DGKB: variants seen among roughly 807,000 people sequenced by gnomAD.
The protein encoded by DGKB is diacylglycerol kinase beta.
A neutral mutation model predicts 114.3 loss-of-function variants in DGKB; 67 were observed. The ratio of observed to expected loss-of-function variants is 0.59; its 90% CI spans 0.48 to 0.72. DGKB has a LOEUF of 0.72. DGKB is among the 30% of genes least tolerant of loss of function. The pLI is 0.00. For synonymous variants in DGKB, 398 were observed against 323.1 expected (o/e 1.23, Z -2.49); for missense variants, 907 against 975.2 (o/e 0.93, Z 0.93).
chr7:14,791,382 C>A (rs959550917), intron 2 of DGKB, among the ~76,000 whole-genome samples: 2 of 151,916 alleles, frequency 1.3e-5, no homozygotes, highest in Non-Finnish European at 2.9e-5. Flanking sequence ...AGTTTTATTT[C>A]TTTATTTCTG....
chr7:14,925,922 G>A (rs1248866627), intron 1 of DGKB, among the ~76,000 whole-genome samples: 1 of 151,840 alleles, frequency 6.6e-6, no homozygotes, highest in Admixed American at 6.6e-5. Flanking sequence ...TTATCACAGT[G>A]GGTAGAAAAG....
chr7:14,744,510 A>G (rs1423558955), intron 4 of DGKB, among the ~76,000 whole-genome samples: 1 of 152,166 alleles, frequency 6.6e-6, no homozygotes, highest in African/African-American at 2.4e-5. Context: ...TATTCTAGGA[A>G]CCTCAAGAAG....
At chr7:14,909,117 T>C (rs986945365) in intron 1 of DGKB, among the ~76,000 whole-genome samples, 9 of 152,224 alleles carry the variant, frequency 5.9e-5, no homozygotes, top group African/African-American at 2.2e-4. Flanking sequence ...ACTCTTATGC[T>C]TTTAGCGATG....
intron 23 of DGKB, among the ~76,000 whole-genome samples, chr7:14,291,856 T>C (rs1405970475): frequency 6.6e-6 from 1 of 152,150 alleles, no homozygotes; most frequent in Non-Finnish European, 1.5e-5. Context: ...TCTTTAATCA[T>C]CAGCTCTAGT....
intron 17 of DGKB, among the ~76,000 whole-genome samples, chr7:14,605,507 T>G (rs1162227203): frequency 6.6e-6 from 1 of 151,214 alleles, no homozygotes; most frequent in African/African-American, 2.4e-5. Flanking sequence ...TTCTGAGGAG[T>G]AGTAGTGCTC....
intron 14 of DGKB, among the ~76,000 whole-genome samples, chr7:14,623,713 C>G (rs1435131817): frequency 6.6e-6 from 1 of 152,030 alleles, no homozygotes; most frequent in African/African-American, 2.4e-5. Flanking sequence ...AAGTGATGTG[C>G]TTTCATATAA....
chr7:14,406,834 T>C (rs973855881), intron 21 of DGKB, among the ~76,000 whole-genome samples: 1 of 152,152 alleles, frequency 6.6e-6, no homozygotes, highest in Non-Finnish European at 1.5e-5. Flanking sequence ...CAAGTGCTAT[T>C]GCTAGTCTGG....
At chr7:14,816,589 T>C (rs1844187071) in intron 2 of DGKB, 2 of 152,210 alleles carry the variant, frequency 1.3e-5, no homozygotes, top group Admixed American at 6.5e-5. Context: ...TCTGACTGCA[T>C]GTTATAACTG....
At chr7:14,495,430 T>C (rs1785163728) in intron 20 of DGKB, among the ~76,000 whole-genome samples, 1 of 151,842 alleles carries the variant, frequency 6.6e-6, no homozygotes, top group Non-Finnish European at 1.5e-5. Context: ...TATTTCTTTT[T>C]AAATTATTAA....
chr7:14,885,946 T>G (rs2128219719), intron 1 of DGKB, among the ~76,000 whole-genome samples: 1 of 151,664 alleles, frequency 6.6e-6, no homozygotes, highest in East Asian at 1.9e-4. Context: ...TACGGCTAAT[T>G]TAGAAAAAAA....
chr7:14,802,738 A>G lies in DGKB; in HGVS notation c.70+38456T>C, dbSNP rs542075038. Among the ~76,000 whole-genome samples the G allele has an allele frequency of 1.9e-4, 29 of 152,282 alleles. No individual in the cohort carries two copies. In the South Asian group the frequency reaches 6.0e-3, roughly 32 times the overall value. ...TCAGTTCATTTATAAAAATCAACAT[A>G]AAAATCACAGATTTACTAAAATCTG... On this transcript the variant is annotated intron_variant, in intron 2 of 25. Transcript: ENST00000402815.
intron 21 of DGKB, among the ~76,000 whole-genome samples, chr7:14,455,086 C>T (rs1170844979): frequency 1.3e-5 from 2 of 152,008 alleles, no homozygotes; most frequent in African/African-American, 4.8e-5. Flanking sequence ...AACTTCCCAA[C>T]CATCAATATA....
chr7:14,705,079 T>G (rs1379843430), intron 6 of DGKB, among the ~76,000 whole-genome samples: 1 of 148,950 alleles, frequency 6.7e-6, no homozygotes, highest in Non-Finnish European at 1.5e-5. Flanking sequence ...GAAAAAAATT[T>G]AGAAGAATGT....
chr7:14,616,376 T>C (rs535949014), intron 15 of DGKB, among the ~76,000 whole-genome samples: 1 of 151,582 alleles, frequency 6.6e-6, no homozygotes, highest in Non-Finnish European at 1.5e-5. Context: ...CAACGTTATA[T>C]TCAAGCTTAC....
At chr7:14,946,148 T>C (rs570939337) in intron 1 of DGKB, among the ~76,000 whole-genome samples, 1 of 151,488 alleles carries the variant, frequency 6.6e-6, no homozygotes, top group East Asian at 1.9e-4. Context: ...TGCTTAGTAT[T>C]AAGGGTTTCT....
chr7:14,967,650 AT>A (rs1168636654), intron 1 of DGKB, among the ~76,000 whole-genome samples: 7 of 121,978 alleles, frequency 5.7e-5, no homozygotes, highest in Non-Finnish European at 1.2e-4. Context: ...CATGTGATTT[AT>A]TAAAAAAAAA....
intron 21 of DGKB, among the ~76,000 whole-genome samples, chr7:14,387,411 C>CA (rs34477734): frequency 1.6e-3 from 159 of 102,408 alleles, no homozygotes; most frequent in African/African-American, 5.1e-3. Context: ...GACTCCATCT[C>CA]AAAAAAAAAA....
rs749624868 is a variant in DGKB, at chr7:14,147,939, T to C, written c.*1192A>G. The C allele has an allele frequency of 1.3e-5, 2 of 151,844 alleles. No individual in the cohort carries two copies. Among genetic ancestry groups the C allele is most frequent in the East Asian group, 3.9e-4 (2 of 5,172 alleles). The allele number at this position is 151,844 out of a possible 1,614,324, so 9.4% of individuals were successfully genotyped here. On this transcript the variant is annotated 3_prime_UTR_variant, in exon 26 of 26. Coordinates refer to ENST00000402815, the MANE Select transcript of DGKB (RefSeq NM_001350709.2). ...AAATGTCATAAAGATGGGAGTGGAGTAGGTGAGGAGGAGGGAGCTAATTGC... is the reference window on the plus strand; with the variant it reads ...AAATGTCATAAAGATGGGAGTGGAGCAGGTGAGGAGGAGGGAGCTAATTGC...
At chr7:14,387,628 C>T (rs1358182412) in intron 21 of DGKB, among the ~76,000 whole-genome samples, 1 of 151,828 alleles carries the variant, frequency 6.6e-6, no homozygotes, top group Non-Finnish European at 1.5e-5. Flanking sequence ...TGTTGCCCAT[C>T]CTGGTCTTGA....
Sources: allele counts gnomAD v4.1 joint callset (sites outside exome capture counted in the v4.1 genomes callset), GRCh38; gene constraint gnomAD v4.1.1; transcripts MANE v1.5; gene names NCBI Gene and HGNC (gene_info 2026-07-23, HGNC 2026-07-21).